The following LARS2 variants were observed in gnomAD, a reference collection of about 807,000 sequenced individuals.
The protein encoded by LARS2 is leucine--tRNA ligase, mitochondrial.
LARS2 carries 81 observed loss-of-function variants against 116.6 expected under a neutral mutation model. That is an observed-to-expected ratio of 0.69 (90% CI 0.58 to 0.84). LARS2 has a LOEUF of 0.84. LARS2 is among the 40% of genes least tolerant of loss of function. The pLI, the probability that LARS2 is intolerant of heterozygous loss-of-function variation, is 0.00. For synonymous variants in LARS2, 396 were observed against 407.2 expected (o/e 0.97, Z 0.33); for missense variants, 968 against 1,114.5 (o/e 0.87, Z 1.87).
At chr3:45,531,902 G>A (rs1327657498) in intron 20 of LARS2, among the ~76,000 whole-genome samples, 1 of 152,122 alleles carries the variant, frequency 6.6e-6, no homozygotes, top group Admixed American at 6.5e-5. Flanking sequence ...GTAGTCACCA[G>A]GATGCACAGT....
chr3:45,428,834 T>C (rs530576933), intron 6 of LARS2, among the ~76,000 whole-genome samples: 2 of 152,224 alleles, frequency 1.3e-5, no homozygotes, highest in East Asian at 1.9e-4. Context: ...ATTATTGCTG[T>C]ATTCGCTTTA....
rs148864127 is a variant in LARS2 at position 45,500,813 on chromosome 3, T to C, written c.1760+234T>C. Among the ~76,000 whole-genome samples the C allele has an allele frequency of 0.011, 1,681 of 152,304 alleles. 11 individuals carry two copies. Among genetic ancestry groups the C allele is most frequent in the Middle Eastern group, 0.02 (6 of 294 alleles). On this transcript the variant is annotated intron_variant, in intron 15 of 21. Transcript: ENST00000645846. ...AGCCTTCAGTGCTTCTCTGTTTAAC[T>C]GAGTTAAGTAATTAAGAATTGTACC... is the stretch of plus-strand genomic sequence containing the variant.
chr3:45,409,417 T>C (rs1393667022), intron 4 of LARS2, among the ~76,000 whole-genome samples: 3 of 152,198 alleles, frequency 2.0e-5, no homozygotes, highest in Non-Finnish European at 4.4e-5. Context: ...AAGTGTACCA[T>C]GTATCTAGAG....
intron 4 of LARS2, among the ~76,000 whole-genome samples, chr3:45,410,759 A>G (rs1575235587): frequency 6.6e-6 from 1 of 152,192 alleles, no homozygotes; most frequent in African/African-American, 2.4e-5. Context: ...GTCCTCCTCC[A>G]GCGTTCCGCC....
At chr3:45,540,751 T>C (rs376461656) in intron 20 of LARS2, among the ~76,000 whole-genome samples, 1 of 52,680 alleles carries the variant, frequency 1.9e-5, no homozygotes, top group Non-Finnish European at 4.0e-5. Context: ...TATCTGTCTA[T>C]CTATCTATCT....
At chr3:45,489,533 C>G (rs962131885) in intron 12 of LARS2, among the ~76,000 whole-genome samples, 1 of 151,512 alleles carries the variant, frequency 6.6e-6, no homozygotes, top group African/African-American at 2.4e-5. Context: ...GCTAATGCTG[C>G]TGGTCCAGGG....
chr3:45,449,622 A>G (rs958371332), intron 7 of LARS2, among the ~76,000 whole-genome samples: 2 of 152,144 alleles, frequency 1.3e-5, no homozygotes, highest in Non-Finnish European at 2.9e-5. Flanking sequence ...CAACACATGA[A>G]CTTTGGGGGA....
chr3:45,439,260 C>T (rs1385287931), intron 6 of LARS2, among the ~76,000 whole-genome samples: 1 of 125,034 alleles, frequency 8.0e-6, no homozygotes, highest in Admixed American at 1.0e-4. Context: ...CTCACTCCAT[C>T]GCCCAGGCTG....
At chr3:45,422,522 C>A (rs1231718056) in intron 6 of LARS2, 1 of 152,126 alleles carries the variant, frequency 6.6e-6, no homozygotes, top group Non-Finnish European at 1.5e-5. Context: ...CAAGGAATTA[C>A]TACTTTTTCT....
At position 45,423,185 on chromosome 3, in the gene LARS2, A is replaced by G. The variant is rs578255051; in HGVS notation, c.516+3456A>G. On this transcript the variant is annotated intron_variant, in intron 6 of 21. Transcript: ENST00000645846. ...AAATAGTGTATTTCTCTTGATCCTC[A>G]TGTATGATAAGAAAAGTAGCAGGTA... Among the ~76,000 whole-genome samples the G allele has an allele frequency of 3.3e-5, 5 of 152,318 alleles. No homozygotes were observed. The South Asian group carries it at 6.2e-4, about 19-fold the overall frequency.
At chr3:45,449,688 TAAAAC>T (rs1490032059) in intron 7 of LARS2, among the ~76,000 whole-genome samples, 2 of 152,240 alleles carry the variant, frequency 1.3e-5, no homozygotes, top group Non-Finnish European at 2.9e-5. Flanking sequence ...AAATTGGCCT[TAAAAC>T]AGAAAACATT....
intron 8 of LARS2, among the ~76,000 whole-genome samples, chr3:45,467,087 T>C (rs995876364): frequency 1.3e-5 from 2 of 151,990 alleles, no homozygotes; most frequent in Non-Finnish European, 2.9e-5. Flanking sequence ...GAAAGTGTGG[T>C]GATTAGAGGT....
At chr3:45,470,147 A>G (rs923594498) in intron 8 of LARS2, among the ~76,000 whole-genome samples, 2 of 151,990 alleles carry the variant, frequency 1.3e-5, no homozygotes, top group African/African-American at 4.8e-5. Context: ...CATGTTTTAA[A>G]CCCACTTTTT....
chr3:45,544,665 G>A (rs1700850192), intron 21 of LARS2, among the ~76,000 whole-genome samples: 1 of 152,182 alleles, frequency 6.6e-6, no homozygotes, highest in African/African-American at 2.4e-5. Flanking sequence ...GTGGCAGGAT[G>A]GAGCTAAATA....
chr3:45,454,621 C>G (rs1699185148), intron 7 of LARS2, among the ~76,000 whole-genome samples: 1 of 152,102 alleles, frequency 6.6e-6, no homozygotes, highest in South Asian at 2.1e-4. Flanking sequence ...TAGTTAACTA[C>G]AAAGGAACAT....
intron 4 of LARS2, among the ~76,000 whole-genome samples, chr3:45,407,423 A>G (rs1033167440): frequency 6.6e-6 from 1 of 152,228 alleles, no homozygotes; most frequent in Non-Finnish European, 1.5e-5. Flanking sequence ...CTGCTGGTCC[A>G]GTGCCTTGAC....
At chr3:45,534,256 C>G (rs963185517) in intron 20 of LARS2, among the ~76,000 whole-genome samples, 1 of 152,094 alleles carries the variant, frequency 6.6e-6, no homozygotes, top group Non-Finnish European at 1.5e-5. Flanking sequence ...GGAATGTCCC[C>G]CTAGGTCATT....
intron 20 of LARS2, among the ~76,000 whole-genome samples, chr3:45,536,198 T>G (rs1244053987): frequency 6.6e-6 from 1 of 152,190 alleles, no homozygotes; most frequent in Non-Finnish European, 1.5e-5. Flanking sequence ...CACAGCTCAC[T>G]GCAACCTCAA....
At chr3:45,528,115 T>C (rs1418530094) in intron 20 of LARS2, among the ~76,000 whole-genome samples, 1 of 152,124 alleles carries the variant, frequency 6.6e-6, no homozygotes, top group Non-Finnish European at 1.5e-5. Flanking sequence ...GGCAGGAGGA[T>C]CACTTGAGCC....
Sources: allele counts gnomAD v4.1 joint callset (sites outside exome capture counted in the v4.1 genomes callset), GRCh38; gene constraint gnomAD v4.1.1; transcripts MANE v1.5; gene names NCBI Gene and HGNC (gene_info 2026-07-23, HGNC 2026-07-21).